SRGAP3: variants seen among roughly 807,000 people sequenced by gnomAD.
The protein encoded by SRGAP3 is SLIT-ROBO Rho GTPase-activating protein 3.
In SRGAP3, 39 loss-of-function variants were observed where a neutral mutation model predicts 121.1. The observed-to-expected ratio is 0.32, with a 90% CI of 0.25 to 0.42. The LOEUF is 0.42. Ranked by LOEUF, SRGAP3 falls within the 10% of genes least tolerant of loss-of-function variation. The pLI, the probability that SRGAP3 is intolerant of heterozygous loss-of-function variation, is 1.00. For missense variants in SRGAP3, 1,213 were observed against 1,470.6 expected, an observed-to-expected ratio of 0.82 and a Z score of 2.86; for synonymous variants, 601 against 570.0, an observed-to-expected ratio of 1.05 and a Z score of -0.77.
chr3:9,352,295 A>G (rs1214209436), intron 1 of SRGAP3, among the ~76,000 whole-genome samples: 4 of 119,346 alleles, frequency 3.4e-5, no homozygotes, highest in African/African-American at 1.4e-4. Context: ...TTTTTTTGAG[A>G]TGGAGTCTCA....
At chr3:9,361,433 T>C (rs1325986560) in intron 1 of SRGAP3, among the ~76,000 whole-genome samples, 2 of 152,174 alleles carry the variant, frequency 1.3e-5, no homozygotes, top group Non-Finnish European at 2.9e-5. Context: ...TGTGTTCTTT[T>C]TGGTTTTGTT....
intron 10 of SRGAP3, among the ~76,000 whole-genome samples, chr3:9,041,167 A>G (rs2670008): frequency 0.18 from 26,813 of 152,268 alleles, 2,501 homozygotes; most frequent in Middle Eastern, 0.22. Context: ...GAGCAAATGG[A>G]CTTGGAGATA....
chr3:9,136,764 C>T (rs1949679348), intron 1 of SRGAP3, among the ~76,000 whole-genome samples: 1 of 152,208 alleles, frequency 6.6e-6, no homozygotes, highest in South Asian at 2.1e-4. Flanking sequence ...CCAGAGTCCA[C>T]CGGAGACTCC....
chr3:9,101,572 G>A (rs1948215935), intron 3 of SRGAP3, among the ~76,000 whole-genome samples: 1 of 152,204 alleles, frequency 6.6e-6, no homozygotes. Flanking sequence ...AGCGGGTGGG[G>A]CTGACTGTAA....
chr3:9,019,173 T>G (rs1021229474), intron 14 of SRGAP3, among the ~76,000 whole-genome samples: 1 of 152,240 alleles, frequency 6.6e-6, no homozygotes, highest in African/African-American at 2.4e-5. Context: ...CCACAGTGAA[T>G]AGTCTTGTGT....
At chr3:9,261,455 A>G (rs904927518) in intron 3 of SRGAP3, among the ~76,000 whole-genome samples, 47 of 152,126 alleles carry the variant, frequency 3.1e-4, no homozygotes, top group African/African-American at 1.1e-3. Flanking sequence ...AACCTTGATA[A>G]AAGGTTACAG....
chr3:9,063,265 A>C (rs1406533388), intron 5 of SRGAP3, among the ~76,000 whole-genome samples: 1 of 150,578 alleles, frequency 6.6e-6, no homozygotes, highest in Admixed American at 6.7e-5. Flanking sequence ...AGTGGCTGGG[A>C]CTACAGGCAC....
chr3:9,147,364 C>T (rs529708604), intron 1 of SRGAP3, among the ~76,000 whole-genome samples: 314 of 152,232 alleles, frequency 2.1e-3, no homozygotes, highest in African/African-American at 7.3e-3. Context: ...AGATTCAAAA[C>T]CCATCTGTGC....
At chr3:9,209,559 C>T (rs1167102640) in intron 1 of SRGAP3, among the ~76,000 whole-genome samples, 2 of 152,188 alleles carry the variant, frequency 1.3e-5, no homozygotes, top group African/African-American at 4.8e-5. Flanking sequence ...TCTTAGAAGA[C>T]CACTTTGATG....
intron 3 of SRGAP3, among the ~76,000 whole-genome samples, chr3:9,104,366 T>G (rs547321621): frequency 3.3e-5 from 5 of 152,358 alleles, no homozygotes; most frequent in Admixed American, 6.5e-5. Context: ...ATTTTAATTT[T>G]TGTGTGTGTG....
intron 18 of SRGAP3, among the ~76,000 whole-genome samples, chr3:8,997,809 A>AT (rs1169076584): frequency 6.6e-6 from 1 of 152,002 alleles, no homozygotes; most frequent in Non-Finnish European, 1.5e-5. Flanking sequence ...TTTTTTAATG[A>AT]TTTTTAAATT....
chr3:9,242,234 A>G (rs1336924099), intron 1 of SRGAP3, among the ~76,000 whole-genome samples: 2 of 152,138 alleles, frequency 1.3e-5, no homozygotes, highest in African/African-American at 4.8e-5. Flanking sequence ...ACTTGCCAAC[A>G]CCTTGATCTT....
chr3:9,080,212 T>A, intron 3 of SRGAP3, 125 bp from the exon 4 acceptor site: 1 of 830,956 alleles, frequency 1.2e-6, no homozygotes, highest in Non-Finnish European at 2.0e-6. Flanking sequence ...GAAATCAGCA[T>A]AAATTTCATT....
intron 3 of SRGAP3, among the ~76,000 whole-genome samples, chr3:9,099,486 C>G (rs564095487): frequency 3.3e-5 from 5 of 152,320 alleles, no homozygotes; most frequent in African/African-American, 1.2e-4. Context: ...TAGCGGGGAG[C>G]AGGAGAGCAA....
At chr3:9,175,891 C>T (rs1266572503) in intron 1 of SRGAP3, among the ~76,000 whole-genome samples, 1 of 152,146 alleles carries the variant, frequency 6.6e-6, no homozygotes, top group South Asian at 2.1e-4. Context: ...GGGTTGAGCA[C>T]CAAATCTTCT....
chr3:9,225,000 G>A (rs1368202977), intron 1 of SRGAP3, among the ~76,000 whole-genome samples: 1 of 152,168 alleles, frequency 6.6e-6, no homozygotes, highest in South Asian at 2.1e-4. Context: ...CCCTCAACTC[G>A]TAGCAGCCAA....
chr3:9,023,289 G>A (rs889741764), intron 14 of SRGAP3, among the ~76,000 whole-genome samples: 9 of 152,228 alleles, frequency 5.9e-5, no homozygotes, highest in Non-Finnish European at 1.3e-4. Flanking sequence ...AGGGATGTAA[G>A]GAGCTGGGGA....
At chr3:9,236,274 C>G (rs530153125) in intron 1 of SRGAP3, 18 of 174,298 alleles carry the variant, frequency 1.0e-4, no homozygotes, top group Admixed American at 3.2e-4. Flanking sequence ...TCCAGCTCTC[C>G]CTGGTAAAGT....
rs1401812719 is a variant in SRGAP3 at position 8,981,425 on chromosome 3, C to T, written c.*4094G>A. ...GTTTCTCAGGAGAGTGAGGCATTTG[C>T]ACTAGTGTGGAACCATCTGGATGTG... On this transcript the variant is annotated 3_prime_UTR_variant, in exon 22 of 22. Transcript: ENST00000383836. The T allele has an allele frequency of 4.3e-6, 1 of 232,458 alleles. No individual in the cohort carries two copies. Among genetic ancestry groups the T allele is most frequent in the Admixed American group, 5.6e-5 (1 of 17,754 alleles). The allele number at this position is 232,458 out of a possible 1,614,324, so 14.4% of individuals were successfully genotyped here.
Sources: gnomAD v4.1 joint callset for allele counts (sites outside exome capture counted in the v4.1 genomes callset) on GRCh38, gnomAD v4.1.1 for gene constraint, MANE v1.5 for transcripts, NCBI Gene and HGNC (gene_info 2026-07-23, HGNC 2026-07-21) for gene names.